The following MAX variants were observed in gnomAD, a reference collection of about 807,000 sequenced individuals.
The protein encoded by MAX is protein max.
A neutral mutation model predicts 22.3 loss-of-function variants in MAX; 3 were observed. That is an observed-to-expected ratio of 0.13 (90% CI 0.06 to 0.35). The LOEUF (loss-of-function observed/expected upper bound fraction) is 0.35. MAX is among the 10% of genes least tolerant of loss of function. The pLI is 1.00. For synonymous variants in MAX, 72 were observed against 77.7 expected (o/e 0.93, Z 0.39); for missense variants, 119 against 209.4 (o/e 0.57, Z 2.66).
intron 3 of MAX, among the ~76,000 whole-genome samples, chr14:65,063,075 A>G (rs1173149445): frequency 1.3e-5 from 2 of 152,040 alleles, no homozygotes; most frequent in Non-Finnish European, 2.9e-5. Flanking sequence ...CTGGCGAGAG[A>G]CCCTCTCCCA....
chr14:65,006,111 C>A, downstream of MAX: 1 of 1,590,400 alleles, frequency 6.3e-7, no homozygotes, highest in Non-Finnish European at 8.5e-7. Flanking sequence ...CTTCTGCTTA[C>A]TGGAACATTA....
chr14:65,040,973 TTGTACTCAGACA>T (rs1310817321), intron 3 of MAX: 13 of 1,597,804 alleles, frequency 8.1e-6, no homozygotes, highest in Non-Finnish European at 1.1e-5. Flanking sequence ...GGTGATGTGA[TTGTACTCAGACA>T]TGCAGGCTTC....
chr14:65,076,366 G>C lies in MAX; in HGVS notation c.*110C>G. ...AAAATTTAAAAAAAAAAGGGAGAAA[G>C]AGAAAAATAAAGAGTCTCTTAAATG... On this transcript the variant is annotated 3_prime_UTR_variant, in exon 5 of 5. Coordinates refer to ENST00000358664, the MANE Select transcript of MAX (RefSeq NM_002382.5). This position sits in a 1 kb window ranked among gnomAD's most constrained non-coding sequence, Gnocchi z 6.6. 1 of 1,561,746 alleles carries C rather than the reference G, an allele frequency of 6.4e-7. No homozygotes were observed. Among genetic ancestry groups the C allele is most frequent in the Non-Finnish European group, 8.6e-7 (1 of 1,156,162 alleles).
At position 65,084,355 on chromosome 14, in the gene MAX, A is replaced by G. The variant is rs1355113920; in HGVS notation, c.172-6319T>C. The G allele has an allele frequency of 1.8e-6, 2 of 1,113,232 alleles. No homozygotes were observed. Among genetic ancestry groups the G allele is most frequent in the African/African-American group, 1.6e-5 (1 of 64,190 alleles). The allele number at this position is 1,113,232 out of a possible 1,614,324, so 69.0% of individuals were successfully genotyped here. Reference sequence around the variant, plus strand: ...ATTTCACAAGTAATAAATAGAATACAAAATTACTAACTTTTGTTTACTGAA... The same window carrying G: ...ATTTCACAAGTAATAAATAGAATACGAAATTACTAACTTTTGTTTACTGAA... On this transcript the variant is annotated intron_variant, in intron 3 of 4. Transcript: ENST00000358664. This position sits in a 1 kb window ranked among gnomAD's most constrained non-coding sequence, Gnocchi z 4.3.
chr14:65,099,449 A>G (rs1225193297), intron 2 of MAX, among the ~76,000 whole-genome samples: 1 of 152,114 alleles, frequency 6.6e-6, no homozygotes, highest in Non-Finnish European at 1.5e-5. Flanking sequence ...TAATAATTTA[A>G]TAACAAATTT....
In MAX at chr14:65,047,214, T is replaced by G. The variant is rs2062504195; in HGVS notation, c.172-40930A>C. Among the ~76,000 whole-genome samples the G allele has an allele frequency of 6.6e-6, 1 of 152,230 alleles. No individual in the cohort carries two copies. Among genetic ancestry groups the G allele is most frequent in the African/African-American group, 2.4e-5 (1 of 41,466 alleles). On this transcript the variant is annotated intron_variant, in intron 3 of 3. Coordinates refer to the MAX transcript ENST00000341653. This position sits in a 1 kb window ranked among gnomAD's most constrained non-coding sequence, Gnocchi z 5.2. Reference sequence around the variant, plus strand: ...GGCTGTACTGAGCATTTCACATATGTTTTCTCATTTAATTCTCAAAACAAC... The same window carrying G: ...GGCTGTACTGAGCATTTCACATATGGTTTCTCATTTAATTCTCAAAACAAC...
chr14:65,078,533 G>T lies in MAX; in HGVS notation c.172-497C>A, dbSNP rs11628938. 0.35 allele frequency among the ~76,000 whole-genome samples: 47,609 copies of T among 135,196 alleles called. 8,724 individuals are homozygous for T. The highest frequency in any genetic ancestry group is 0.4 in the East Asian group (1,810 of 4,508). 88.7% of individuals were successfully genotyped at this position (135,196 alleles called of 152,430 possible). ...GCCTGTTGTTGTTGTTGTTGTTGTT[G>T]TTTTTTTTTTTTTGGAGACGTAGTC... On this transcript the variant is annotated intron_variant, in intron 3 of 4. Coordinates refer to ENST00000358664, the MANE Select transcript of MAX (RefSeq NM_002382.5). The surrounding 1 kb of genome is among the most constrained non-coding windows in gnomAD (Gnocchi z 6.4).
At position 65,032,550 on chromosome 14, in the gene MAX, C is replaced by T; in HGVS notation, c.172-26266G>A. 6.3e-7 allele frequency: 1 copy of T among 1,593,332 alleles called. No individual in the cohort carries two copies. On this transcript the variant is annotated intron_variant, in intron 3 of 3. Transcript: ENST00000341653. This position sits in a 1 kb window ranked among gnomAD's most constrained non-coding sequence, Gnocchi z 5.0. The stretch of plus-strand genomic sequence containing the variant: ...AGGCGAGCAGTCCGCCCGCGGAGTT[C>T]ACTGAGCCTCATTAGCTCTTCCGTA...
Position 65,093,603 on chromosome 14 carries a change from T to A in MAX, c.171+105A>T. The A allele has an allele frequency of 2.7e-6, 2 of 747,490 alleles. No individual in the cohort carries two copies. Among genetic ancestry groups the A allele is most frequent in the South Asian group, 2.8e-5 (2 of 70,534 alleles). The allele number at this position is 747,490 out of a possible 1,614,324, so 46.3% of individuals were successfully genotyped here. ...AAATAAGGCAACCATGCTACCTGAA[T>A]ATCTCTGACTACATTTCCTTCCCAA... On this transcript the variant is annotated intron_variant, in intron 3 of 4. Transcript: ENST00000358664. This position sits in a 1 kb window ranked among gnomAD's most constrained non-coding sequence, Gnocchi z 4.4.
chr14:65,074,289 G>A (rs1019002475), downstream of MAX, among the ~76,000 whole-genome samples: 2 of 152,208 alleles, frequency 1.3e-5, no homozygotes, highest in African/African-American at 4.8e-5. Context: ...ATCTTGAAAA[G>A]AAGTGCCTTT....
intron 3 of MAX, among the ~76,000 whole-genome samples, chr14:65,040,614 T>TG (rs1336933970): frequency 1.2e-4 from 18 of 150,944 alleles, no homozygotes; most frequent in Admixed American, 1.2e-3. Flanking sequence ...CTTTTTTTTT[T>TG]TTTTTTTTTT....
chr14:65,049,469 T>G (rs1217516351), intron 3 of MAX, among the ~76,000 whole-genome samples: 1 of 152,180 alleles, frequency 6.6e-6, no homozygotes, highest in Non-Finnish European at 1.5e-5. Flanking sequence ...CAGTGTGCAG[T>G]TATCACCCTA....
At chr14:65,041,560 G>A (rs1595077603) in intron 3 of MAX, among the ~76,000 whole-genome samples, 1 of 151,816 alleles carries the variant, frequency 6.6e-6, no homozygotes, top group Non-Finnish European at 1.5e-5. Flanking sequence ...TGTACCCCCT[G>A]ACCATGACGT....
In MAX at chr14:65,093,537, C is replaced by G; in HGVS notation, c.171+171G>C. ...TCTGACATATTTTGTTAAGGATAAA[C>G]TGGAGTACGTAAGGTGTGCAGTGAT... On this transcript the variant is annotated intron_variant, in intron 3 of 4. Transcript: ENST00000358664. The surrounding 1 kb of genome is among the most constrained non-coding windows in gnomAD (Gnocchi z 4.4). 4.6e-6 allele frequency: 3 copies of G among 645,502 alleles called. No individual in the cohort carries two copies. In the South Asian group the frequency reaches 5.1e-5, roughly 11 times the overall value. The allele number at this position is 645,502 out of a possible 1,614,324, so 40.0% of individuals were successfully genotyped here. A position where few individuals can be genotyped will look rare whatever the true frequency, so the allele number is the denominator to read the frequency against.
chr14:65,017,656 A>G (rs1012392881), intron 3 of MAX, among the ~76,000 whole-genome samples: 2 of 152,164 alleles, frequency 1.3e-5, no homozygotes. Context: ...TTTAAAAAAA[A>G]TTTTTTTTAA....
In MAX at chr14:65,020,472, C is replaced by T. The variant is rs137953315; in HGVS notation, c.172-14188G>A. Reference sequence around the variant, plus strand: ...TGAGAGTCTCGCTCTGTTGCCCAGACTGGAGTGCAGTGGCACGATCTTGGC... The same window carrying T: ...TGAGAGTCTCGCTCTGTTGCCCAGATTGGAGTGCAGTGGCACGATCTTGGC... On this transcript the variant is annotated intron_variant, in intron 3 of 3. Transcript: ENST00000341653. Among the ~76,000 whole-genome samples, 486 of 152,252 alleles carry T rather than the reference C, an allele frequency of 3.2e-3. 2 individuals are homozygous for T. The highest frequency in any genetic ancestry group is 0.011 in the African/African-American group (455 of 41,562).
rs2062615547 is a variant in MAX, at chr14:65,051,717, C to T, written c.171+41991G>A. Among the ~76,000 whole-genome samples, 3 of 151,846 alleles carry T rather than the reference C, an allele frequency of 2.0e-5. No homozygotes were observed. The South Asian group carries it at 6.3e-4, about 32-fold the overall frequency. On this transcript the variant is annotated intron_variant, in intron 3 of 3. Coordinates refer to the MAX transcript ENST00000341653. Reference sequence around the variant, plus strand: ...ATTTTTATTTTTAGAAATCTTTTCCCCCGTTTTTCTTTTTTGCTATTTTCT... The same window carrying T: ...ATTTTTATTTTTAGAAATCTTTTCCTCCGTTTTTCTTTTTTGCTATTTTCT...
rs370203109 is a variant in MAX at position 65,078,040 on chromosome 14, T to C, written c.172-4A>G. 5.6e-6 allele frequency: 9 copies of C among 1,614,046 alleles called. No homozygotes were observed. Among genetic ancestry groups the C allele is most frequent in the Non-Finnish European group, 7.6e-6 (9 of 1,180,024 alleles). ...CTAGGATTTGGGCCCGGGATGCCTGTGGCAATATGAGAAAAAGCACAGGGG... is the reference window on the plus strand; with the variant it reads ...CTAGGATTTGGGCCCGGGATGCCTGCGGCAATATGAGAAAAAGCACAGGGG... On this transcript the variant is annotated splice_region_variant and splice_polypyrimidine_tract_variant and intron_variant, in intron 3 of 4. Transcript: ENST00000358664. The surrounding 1 kb of genome is among the most constrained non-coding windows in gnomAD (Gnocchi z 6.4).
intron 3 of MAX, among the ~76,000 whole-genome samples, chr14:65,048,283 A>C (rs1022481005): frequency 2.6e-5 from 4 of 151,942 alleles, no homozygotes; most frequent in African/African-American, 9.7e-5. Context: ...ATACCTGGCC[A>C]ACTTTTTAGA....
Sources: allele counts gnomAD v4.1 joint callset (sites outside exome capture counted in the v4.1 genomes callset), GRCh38; gene constraint gnomAD v4.1.1; non-coding constraint Gnocchi (gnomAD v3.1); transcripts MANE v1.5; gene names NCBI Gene and HGNC (gene_info 2026-07-23, HGNC 2026-07-21).